RHPN2: variants seen among roughly 807,000 people sequenced by gnomAD.
RHPN2 encodes the protein rhophilin Rho GTPase binding protein 2.
RHPN2 carries 40 observed loss-of-function variants against 79.0 expected under a neutral mutation model. That is an observed-to-expected ratio of 0.51 (90% CI 0.39 to 0.66). The LOEUF (loss-of-function observed/expected upper bound fraction) is 0.66. Among genes scored for constraint, RHPN2 ranks in the 30% least tolerant of loss-of-function variants. The probability of loss-of-function intolerance (pLI) is 0.00; values close to 1 mark genes in which losing one functional copy is unlikely to be tolerated. For missense variants in RHPN2, 686 were observed against 883.5 expected (o/e 0.78, Z 2.83); for synonymous variants, 285 against 363.5 (o/e 0.78, Z 2.46).
intron 2 of RHPN2, among the ~76,000 whole-genome samples, chr19:33,038,577 C>T (rs1395669153): frequency 6.6e-6 from 1 of 151,998 alleles, no homozygotes; most frequent in Admixed American, 6.6e-5. Flanking sequence ...CAACCTCCGT[C>T]CCCCTGGTTC....
intron 5 of RHPN2, 119 bp from the exon 6 acceptor site, chr19:33,011,922 C>T (rs1392261023): frequency 3.8e-5 from 50 of 1,304,328 alleles, no homozygotes; most frequent in Non-Finnish European, 5.4e-5. Context: ...GTATGATGAC[C>T]TCGCTACTGG....
rs1221175986 is a variant in RHPN2, at chr19:33,064,797, C to T, written c.56G>A (p.Gly19Asp). 2 of 1,345,276 alleles carry T rather than the reference C, an allele frequency of 1.5e-6. No homozygotes were observed. The highest frequency in any genetic ancestry group is 1.9e-6 in the Non-Finnish European group (2 of 1,032,300). The allele number at this position is 1,345,276 out of a possible 1,614,324, so 83.3% of individuals were successfully genotyped here. A position where few individuals can be genotyped will look rare whatever the true frequency, so the allele number is the denominator to read the frequency against. The change falls in exon 1 of 15, where the codon GGC (glycine) becomes GAC (aspartate). Residue 19 changes from glycine to aspartate, a missense_variant. By Grantham distance (94) the Gly-to-Asp change is moderately conservative. Transcript: ENST00000254260. The part of the protein sequence containing the change: ...APQPLEKEND[G>D]YFRKGCNPLA... ...GAAGCCGCCCACCTTCCGAAAGTAG[C>T]CGTCGTTCTCCTTCTCCAGCGGCTG...
rs753102976 is a variant in RHPN2, at chr19:32,980,181, C to T, written c.1876G>A (p.Asp626Asn). 5 of 1,613,874 alleles carry T rather than the reference C, an allele frequency of 3.1e-6. No homozygotes were observed. The highest frequency in any genetic ancestry group is 1.1e-5 in the South Asian group (1 of 91,074). The change falls in exon 15 of 15, where the codon GAC becomes AAC. Residue 626 changes from aspartate to asparagine, a missense_variant. Physicochemically the swap from Asp to Asn is conservative, Grantham distance 23 (BLOSUM62 1). Coordinates refer to ENST00000254260, the MANE Select transcript of RHPN2 (RefSeq NM_033103.5). ...SMICLAIDDD[D>N]KTDKTKKISK... is the part of the protein sequence containing the mutation. ...ATTTTCTTGGTTTTATCAGTTTTGT[C>T]GTCATCATCAATGGCTAAGCAGATC...
chr19:33,042,634 T>C (rs1861071286), intron 2 of RHPN2, among the ~76,000 whole-genome samples: 1 of 152,218 alleles, frequency 6.6e-6, no homozygotes, highest in African/African-American at 2.4e-5. Flanking sequence ...ATTCCGTGAG[T>C]AACAAAAGCA....
rs1320236174 is a variant in RHPN2 at position 32,983,261 on chromosome 19, C to G, written c.1801-3005G>C. Among the ~76,000 whole-genome samples the G allele has an allele frequency of 2.0e-5, 3 of 151,992 alleles. No homozygotes were observed. The South Asian group carries it at 6.2e-4, about 31-fold the overall frequency. On this transcript the variant is annotated intron_variant, in intron 14 of 14. Transcript: ENST00000254260. Reference sequence around the variant, plus strand: ...GGCGTGGTGGCTCACGCCTGTAATCCCAGCACTTTGGGAGGCCAAGGCGGG... The same window carrying G: ...GGCGTGGTGGCTCACGCCTGTAATCGCAGCACTTTGGGAGGCCAAGGCGGG...
chr19:33,059,169 C>T (rs1476912320), intron 1 of RHPN2, among the ~76,000 whole-genome samples: 1 of 152,088 alleles, frequency 6.6e-6, no homozygotes. Flanking sequence ...GCTCAGCCAC[C>T]CAATCAATGC....
chr19:32,997,826 A>C (rs1324311869), intron 10 of RHPN2, among the ~76,000 whole-genome samples: 1 of 152,152 alleles, frequency 6.6e-6, no homozygotes, highest in African/African-American at 2.4e-5. Flanking sequence ...TTTTGAGCAG[A>C]GCCCTGATTG....
Position 33,044,336 on chromosome 19 carries a change from C to G in RHPN2, c.98G>C (p.Arg33Pro). The G allele has an allele frequency of 6.2e-7, 1 of 1,614,054 alleles. No homozygotes were observed. The highest frequency in any genetic ancestry group is 8.5e-7 in the Non-Finnish European group (1 of 1,180,000). The part of the protein sequence containing the change: ...KGCNPLAQTG[R>P]SKLQNQRAAL... ...AGCTCTTTGATTCTGCAATTTACTC[C>G]GGCCGGTTTGTGCAAGGGGATTACA... The change falls in exon 2 of 15, where the codon CGG becomes CCG. Residue 33 changes from arginine to proline, a missense_variant. By Grantham distance (103) the Arg-to-Pro change is moderately radical. Transcript: ENST00000254260.
chr19:33,054,976 C>T (rs1422243832), intron 1 of RHPN2, among the ~76,000 whole-genome samples: 1 of 152,172 alleles, frequency 6.6e-6, no homozygotes, highest in Admixed American at 6.5e-5. Flanking sequence ...TCAGGCAGAC[C>T]CTCGGGGCTG....
chr19:33,002,166 T>C lies in RHPN2; in HGVS notation c.1105+81A>G, dbSNP rs535327462. 3.2e-5 allele frequency: 48 copies of C among 1,515,588 alleles called. No homozygotes were observed. In the African/African-American group the frequency reaches 4.7e-4, roughly 15 times the overall value. 93.9% of individuals were successfully genotyped at this position (1,515,588 alleles called of 1,614,324 possible). ...TGTGAGCATCTCCAGGGAAGGCAGT[T>C]AGCTCTCACTCAGCTCAGAATCGCC... On this transcript the variant is annotated intron_variant, in intron 9 of 14. Transcript: ENST00000254260.
chr19:33,011,841 AGGAC>A (rs765182557), intron 5 of RHPN2, 38 bp from the exon 6 acceptor site: 2 of 1,613,632 alleles, frequency 1.2e-6, no homozygotes, highest in African/African-American at 2.7e-5. Context: ...TGAGCAGAGG[AGGAC>A]ACAGCTGATG....
intron 2 of RHPN2, among the ~76,000 whole-genome samples, chr19:33,034,841 A>G (rs1040264453): frequency 1.3e-5 from 2 of 150,338 alleles, no homozygotes; most frequent in African/African-American, 4.9e-5. Flanking sequence ...GGTCATTCCT[A>G]TGATCCTAGT....
At chr19:33,039,897 TCTC>T (rs1287239351) in intron 2 of RHPN2, among the ~76,000 whole-genome samples, 1 of 149,344 alleles carries the variant, frequency 6.7e-6, no homozygotes, top group African/African-American at 2.5e-5. Flanking sequence ...ATTCCTAACT[TCTC>T]CTGGAAAAAA....
rs1395514043 is a variant in RHPN2, at chr19:32,980,178, TGTC to T, written c.1876_1878del (p.Asp626del). On this transcript the variant is annotated inframe_deletion, in exon 15 of 15. Coordinates refer to ENST00000254260, the MANE Select transcript of RHPN2 (RefSeq NM_033103.5). ...GAGATTTTCTTGGTTTTATCAGTTT[TGTC>T]GTCATCATCAATGGCTAAGCAGATC... The T allele has an allele frequency of 6.2e-7, 1 of 1,613,998 alleles. No individual in the cohort carries two copies. The highest frequency in any genetic ancestry group is 8.5e-7 in the Non-Finnish European group (1 of 1,179,874).
At chr19:33,005,228 A>C (rs1971780389) in intron 7 of RHPN2, among the ~76,000 whole-genome samples, 1 of 151,740 alleles carries the variant, frequency 6.6e-6, no homozygotes, top group Admixed American at 6.6e-5. Context: ...AGCCTGGCCA[A>C]CATGGCAAAA....
intron 4 of RHPN2, among the ~76,000 whole-genome samples, chr19:33,020,472 C>G (rs1234140616): frequency 1.3e-5 from 2 of 150,096 alleles, no homozygotes; most frequent in African/African-American, 4.9e-5. Flanking sequence ...GGATTACAGG[C>G]ATATGCCACT....
At chr19:33,052,365 A>AGGGCAATGTGC (rs1972196061) in intron 1 of RHPN2, among the ~76,000 whole-genome samples, 1 of 152,200 alleles carries the variant, frequency 6.6e-6, no homozygotes, top group South Asian at 2.1e-4. Flanking sequence ...CTTGGGATCT[A>AGGGCAATGTGC]AAGGTTCAGG....
At chr19:33,012,848 T>C in intron 4 of RHPN2, 124 bp from the exon 5 acceptor site, 1 of 664,004 alleles carries the variant, frequency 1.5e-6, no homozygotes, top group South Asian at 1.7e-5. Context: ...TTATAGTGAT[T>C]TTCAAAGTGG....
intron 4 of RHPN2, among the ~76,000 whole-genome samples, chr19:33,020,348 GAC>G (rs1269240953): frequency 1.6e-3 from 209 of 131,398 alleles, no homozygotes; most frequent in African/African-American, 5.8e-3. Context: ...TTTTTTTTGA[GAC>G]ACAGTTTCAC....
Sources: gnomAD v4.1 joint callset for allele counts (sites outside exome capture counted in the v4.1 genomes callset) on GRCh38, gnomAD v4.1.1 for gene constraint, MANE v1.5 for transcripts, NCBI Gene and HGNC (gene_info 2026-07-23, HGNC 2026-07-21) for gene names.